ERC1: variants seen among roughly 807,000 people sequenced by gnomAD.
ERC1 encodes the protein RAB6 interacting protein 2.
In ERC1, 56 loss-of-function variants were observed where a neutral mutation model predicts 132.0. That is an observed-to-expected ratio of 0.42 (90% CI 0.34 to 0.53). The LOEUF (loss-of-function observed/expected upper bound fraction) is 0.53, where lower values mean the gene tolerates loss of function less well. ERC1 is among the 20% of genes least tolerant of loss of function. The probability of loss-of-function intolerance (pLI) is 0.03; values close to 1 mark genes in which losing one functional copy is unlikely to be tolerated. For missense variants in ERC1, 1,202 were observed against 1,349.9 expected (o/e 0.89, Z 1.72); for synonymous variants, 478 against 476.1 (o/e 1.00, Z -0.05).
chr12:1,482,952 C>G (rs1346248501), intron 18 of ERC1, among the ~76,000 whole-genome samples: 8 of 152,242 alleles, frequency 5.3e-5, no homozygotes, highest in African/African-American at 1.9e-4. Flanking sequence ...CCCCAAGCAG[C>G]TGCCACTCTT....
chr12:1,455,473 G>A lies in ERC1; in HGVS notation c.3213+10723G>A, dbSNP rs1017585642. On this transcript the variant is annotated intron_variant, in intron 18 of 18. Transcript: ENST00000360905. ...CCACTGTTACTTAGCTTTCAGAATC[G>A]CCGATCACTGAAATTCCAGGTCCAG... is the stretch of plus-strand genomic sequence containing the variant. Among the ~76,000 whole-genome samples, 7 of 152,206 alleles carry A rather than the reference G, an allele frequency of 4.6e-5. No homozygotes were observed. The South Asian group carries it at 1.0e-3, about 23-fold the overall frequency.
At chr12:1,175,147 G>A (rs1953548407) in intron 8 of ERC1, among the ~76,000 whole-genome samples, 1 of 152,218 alleles carries the variant, frequency 6.6e-6, no homozygotes, top group African/African-American at 2.4e-5. Flanking sequence ...TGCTAGTGGA[G>A]TGTCTTGCCT....
intron 12 of ERC1, among the ~76,000 whole-genome samples, chr12:1,196,465 G>A (rs1297181087): frequency 6.6e-6 from 1 of 151,424 alleles, no homozygotes; most frequent in South Asian, 2.1e-4. Flanking sequence ...TTTGGGTTGG[G>A]GGGGTATGTG....
intron 12 of ERC1, among the ~76,000 whole-genome samples, chr12:1,234,327 G>A (rs1294449446): frequency 6.6e-6 from 1 of 152,182 alleles, no homozygotes; most frequent in Admixed American, 6.5e-5. Context: ...CACACAACCA[G>A]GAGAGTAAAC....
At chr12:1,420,439 T>TTTTTA (rs2092376731) in intron 17 of ERC1, among the ~76,000 whole-genome samples, 1 of 150,592 alleles carries the variant, frequency 6.6e-6, no homozygotes, top group South Asian at 2.1e-4. Context: ...GTTAAACTTT[T>TTTTTA]TTTTATTTTA....
At chr12:1,287,996 T>C (rs1457639318) in intron 14 of ERC1, among the ~76,000 whole-genome samples, 1 of 152,128 alleles carries the variant, frequency 6.6e-6, no homozygotes, top group Non-Finnish European at 1.5e-5. Context: ...CACATGGAAA[T>C]AAAAAGGAGC....
At chr12:1,176,906 T>G (rs1953792823) in intron 8 of ERC1, among the ~76,000 whole-genome samples, 1 of 152,242 alleles carries the variant, frequency 6.6e-6, no homozygotes, top group African/African-American at 2.4e-5. Flanking sequence ...CCAAATACAT[T>G]GAAAATTCAT....
At chr12:1,438,954 A>AAAAAAAAATATATATAT (rs1015181197) in intron 17 of ERC1, among the ~76,000 whole-genome samples, 2 of 143,492 alleles carry the variant, frequency 1.4e-5, no homozygotes, top group African/African-American at 5.2e-5. Flanking sequence ...TTTAAAAAAA[A>AAAAAAAAATATATATAT]ATATATATAT....
chr12:995,285 A>G (rs1274124179), intron 1 of ERC1, among the ~76,000 whole-genome samples: 2 of 151,942 alleles, frequency 1.3e-5, no homozygotes, highest in Non-Finnish European at 2.9e-5. Context: ...AAATAAAAGT[A>G]CGGGCAGTAG....
intron 15 of ERC1, among the ~76,000 whole-genome samples, chr12:1,303,964 A>AAAAAAAAAAAG (rs1555352924): frequency 6.7e-6 from 1 of 148,212 alleles, no homozygotes; most frequent in African/African-American, 2.5e-5. Flanking sequence ...AGAAAAAAAA[A>AAAAAAAAAAAG]AAAAAAGAAT....
chr12:1,147,686 A>G (rs1950505761), intron 8 of ERC1, among the ~76,000 whole-genome samples: 1 of 152,184 alleles, frequency 6.6e-6, no homozygotes. Flanking sequence ...TTAGTAAAAT[A>G]CGAATTTTTA....
intron 13 of ERC1, among the ~76,000 whole-genome samples, chr12:1,240,288 T>C (rs2075706084): frequency 6.6e-6 from 1 of 152,152 alleles, no homozygotes; most frequent in African/African-American, 2.4e-5. Context: ...CATTGGCCAT[T>C]TTTTGATAGT....
rs2092023443 is a variant in ERC1 at position 1,414,638 on chromosome 12, ACT to A, written c.3024+6396_3024+6397del. Among the ~76,000 whole-genome samples, 13 of 151,590 alleles carry A rather than the reference ACT, an allele frequency of 8.6e-5. No homozygotes were observed. The South Asian group carries it at 2.3e-3, about 27-fold the overall frequency. ...CTATGTAAGTTAGTTTATCCATGCC[ACT>A]CTCTATCCGTTTACTGTAAGTTTTC... On this transcript the variant is annotated intron_variant, in intron 17 of 18. Transcript: ENST00000360905.
intron 12 of ERC1, among the ~76,000 whole-genome samples, chr12:1,207,143 C>G (rs1321780836): frequency 6.6e-6 from 1 of 152,066 alleles, no homozygotes; most frequent in Non-Finnish European, 1.5e-5. Flanking sequence ...AAATCTAATT[C>G]AAATAGTTAT....
chr12:1,364,083 C>T (rs887315898), intron 15 of ERC1, among the ~76,000 whole-genome samples: 3 of 152,168 alleles, frequency 2.0e-5, no homozygotes, highest in South Asian at 2.1e-4. Context: ...AGCATTTAAG[C>T]GTAAATGTGA....
At chr12:1,295,006 G>C (rs562419364) in intron 15 of ERC1, among the ~76,000 whole-genome samples, 1 of 152,164 alleles carries the variant, frequency 6.6e-6, no homozygotes, top group African/African-American at 2.4e-5. Flanking sequence ...GATGGTCTGT[G>C]TAGCAAAGGA....
intron 2 of ERC1, among the ~76,000 whole-genome samples, chr12:1,038,002 G>A (rs970738134): frequency 1.3e-5 from 2 of 150,640 alleles, no homozygotes; most frequent in African/African-American, 2.4e-5. Context: ...CCGAGATTGC[G>A]CCACTGCACT....
chr12:1,261,145 C>T (rs1052278477), intron 13 of ERC1, among the ~76,000 whole-genome samples: 22 of 152,136 alleles, frequency 1.4e-4, no homozygotes, highest in Non-Finnish European at 2.9e-5. Flanking sequence ...TTGCCCCACG[C>T]AGATGTACAA....
chr12:1,225,235 GATC>G (rs1375687215), intron 12 of ERC1, among the ~76,000 whole-genome samples: 1 of 151,908 alleles, frequency 6.6e-6, no homozygotes, highest in Non-Finnish European at 1.5e-5. Context: ...GAGACGAGAG[GATC>G]ACTTGGGGCC....
Sources: allele counts gnomAD v4.1 joint callset (sites outside exome capture counted in the v4.1 genomes callset), GRCh38; gene constraint gnomAD v4.1.1; transcripts MANE v1.5; gene names NCBI Gene and HGNC (gene_info 2026-07-23, HGNC 2026-07-21).